The following ARFGEF3 variants were observed in gnomAD, a reference collection of about 807,000 sequenced individuals.
ARFGEF3 encodes ARFGEF family member 3.
Under a neutral mutation model 221.7 loss-of-function variants are expected in ARFGEF3, and 96 were observed. The ratio of observed to expected loss-of-function variants is 0.43; its 90% confidence interval spans 0.37 to 0.51. The LOEUF (loss-of-function observed/expected upper bound fraction) is 0.51, where lower values mean the gene tolerates loss of function less well. Among genes scored for constraint, ARFGEF3 ranks in the 20% least tolerant of loss-of-function variants. The pLI is 0.00. For synonymous variants in ARFGEF3, 1,145 were observed against 1,126.8 expected (o/e 1.02, Z -0.32); for missense variants, 2,410 against 2,789.9 (o/e 0.86, Z 3.07).
intron 2 of ARFGEF3, among the ~76,000 whole-genome samples, chr6:138,171,746 C>T (rs559466252): frequency 7.1e-4 from 108 of 152,036 alleles, no homozygotes; most frequent in African/African-American, 2.5e-3. Context: ...ATTTTATTCA[C>T]GACTTTGTTG....
chr6:138,239,652 GA>G (rs1210032134), intron 6 of ARFGEF3, among the ~76,000 whole-genome samples: 1,055 of 78,810 alleles, frequency 0.013, 6 homozygotes, highest in Middle Eastern at 0.062. Context: ...TCTGTCTCAG[GA>G]AAAAAAAAAA....
intron 27 of ARFGEF3, among the ~76,000 whole-genome samples, chr6:138,318,004 A>G (rs909759949): frequency 6.6e-6 from 1 of 152,200 alleles, no homozygotes; most frequent in African/African-American, 2.4e-5. Context: ...CTCAAGATCA[A>G]AGAAACTTTT....
intron 8 of ARFGEF3, among the ~76,000 whole-genome samples, chr6:138,251,736 C>T (rs1199301930): frequency 6.6e-6 from 1 of 152,054 alleles, no homozygotes; most frequent in African/African-American, 2.4e-5. Flanking sequence ...CACCATGCCA[C>T]AGTCTCCTAC....
rs1165443101 is a variant in ARFGEF3, at chr6:138,344,526, T to C, written c.*8040T>C. 1 of 152,280 alleles carries C rather than the reference T, an allele frequency of 6.6e-6. No homozygotes were observed. Among genetic ancestry groups the C allele is most frequent in the African/African-American group, 2.4e-5 (1 of 41,568 alleles). 9.4% of individuals were successfully genotyped at this position (152,280 alleles called of 1,614,324 possible). A position where few individuals can be genotyped will look rare whatever the true frequency, so the allele number is the denominator to read the frequency against. ...TATTTTGTGTACATTTTATCTGAGG[T>C]GGAAATGAAAATTCTAAAGAGAAAA... On this transcript the variant is annotated 3_prime_UTR_variant, in exon 34 of 34. Transcript: ENST00000251691.
Position 138,291,881 on chromosome 6 carries a change from A to G in ARFGEF3, c.3196A>G (p.Ser1066Gly). The G allele has an allele frequency of 6.7e-7, 1 of 1,492,914 alleles. No homozygotes were observed. The highest frequency in any genetic ancestry group is 1.3e-5 in the South Asian group (1 of 77,784). The allele number at this position is 1,492,914 out of a possible 1,614,324, so 92.5% of individuals were successfully genotyped here. Residue 1066 changes from serine (S) to glycine (G), a missense_variant, in exon 19 of 34, where the codon AGC becomes GGC. Ser to Gly is a moderately conservative substitution (Grantham distance 56). Transcript: ENST00000251691. The surrounding 1 kb of genome is among the most constrained non-coding windows in gnomAD (Gnocchi z 4.5). ...GTGTGAGGGCTCGCCCCCCGAGCACAGCCCGGAGCAGGGGCGCTCCCTGAG... is the reference window on the plus strand; with the variant it reads ...GTGTGAGGGCTCGCCCCCCGAGCACGGCCCGGAGCAGGGGCGCTCCCTGAG... The part of the protein sequence containing the change: ...PECEGSPPEH[S>G]PEQGRSLSTA...
At chr6:138,323,290 A>C (rs1780066764) in intron 29 of ARFGEF3, among the ~76,000 whole-genome samples, 1 of 152,156 alleles carries the variant, frequency 6.6e-6, no homozygotes, top group Non-Finnish European at 1.5e-5. Flanking sequence ...CATATGGCCT[A>C]AATTTTGTGG....
chr6:138,340,487 C>G lies in ARFGEF3; in HGVS notation c.*4001C>G, dbSNP rs1337591066. 1 of 152,158 alleles carries G rather than the reference C, an allele frequency of 6.6e-6. No individual in the cohort carries two copies. Among genetic ancestry groups the G allele is most frequent in the Non-Finnish European group, 1.5e-5 (1 of 68,038 alleles). The allele number at this position is 152,158 out of a possible 1,614,324, so 9.4% of individuals were successfully genotyped here. A position where few individuals can be genotyped will look rare whatever the true frequency, so the allele number is the denominator to read the frequency against. On this transcript the variant is annotated 3_prime_UTR_variant, in exon 34 of 34. Transcript: ENST00000251691. Reference sequence around the variant, plus strand: ...GAAAGTTTTCTCAGAAAGGAAAATCCATTAGTATCAGTCCCATCAAGCCAA... The same window carrying G: ...GAAAGTTTTCTCAGAAAGGAAAATCGATTAGTATCAGTCCCATCAAGCCAA...
Position 138,321,185 on chromosome 6 carries a change from C to T in ARFGEF3, c.4726C>T (p.Pro1576Ser). The T allele has an allele frequency of 6.4e-7, 1 of 1,561,310 alleles. No homozygotes were observed. The highest frequency in any genetic ancestry group is 8.7e-7 in the Non-Finnish European group (1 of 1,151,304). The stretch of plus-strand genomic sequence containing the variant: ...GTTGCTGGTCGCCTGTGTGGCCAAG[C>T]CCACTGAAACCATCTCCAGAGTGGG... ...FELLVACVAK[P>S]TETISRVGCS... The change falls in exon 29 of 34, where the codon CCC becomes TCC. Residue 1576 changes from proline to serine, a missense_variant. Around this residue, in one of 5 missense-constraint regions of ARFGEF3, gnomAD observed 723 missense variants for 991.9 expected, o/e 0.73. Transcript: ENST00000251691.
In ARFGEF3 at chr6:138,308,858, C is replaced by G. The variant is rs1255238306; in HGVS notation, c.4093C>G (p.Leu1365Val). The change falls in exon 24 of 34, where the codon CTG becomes GTG. Residue 1365 changes from leucine to valine, a missense_variant. Coordinates refer to ENST00000251691, the MANE Select transcript of ARFGEF3 (RefSeq NM_020340.5). ...GTGCCTTATGAAGTTTGTCAAAGGACTGGGTAAGCAGAACCCTTCTCTCAT... is the reference window on the plus strand; with the variant it reads ...GTGCCTTATGAAGTTTGTCAAAGGAGTGGGTAAGCAGAACCCTTCTCTCAT... ...IMCLMKFVKG[L>V]GEVDCKEIGD... 1 of 1,614,006 alleles carries G rather than the reference C, an allele frequency of 6.2e-7. No homozygotes were observed. Among genetic ancestry groups the G allele is most frequent in the Non-Finnish European group, 8.5e-7 (1 of 1,179,896 alleles).
In ARFGEF3 at chr6:138,341,662, T is replaced by C. The variant is rs1780431171; in HGVS notation, c.*5176T>C. The C allele has an allele frequency of 6.6e-6, 1 of 152,196 alleles. No individual in the cohort carries two copies. Among genetic ancestry groups the C allele is most frequent in the Admixed American group, 6.5e-5 (1 of 15,274 alleles). The allele number at this position is 152,196 out of a possible 1,614,324, so 9.4% of individuals were successfully genotyped here. ...AAGTTCTCATTTAGTAGTGGAGCAATCTAGAAAACATACCTTTTTTGTTTG... is the reference window on the plus strand; with the variant it reads ...AAGTTCTCATTTAGTAGTGGAGCAACCTAGAAAACATACCTTTTTTGTTTG... On this transcript the variant is annotated 3_prime_UTR_variant, in exon 34 of 34. Transcript: ENST00000251691.
At chr6:138,311,336 A>AACAGGTCTCC in intron 24 of ARFGEF3, 71 bp from the exon 25 acceptor site, 1 of 904,602 alleles carries the variant, frequency 1.1e-6, no homozygotes, top group Non-Finnish European at 1.8e-6. Context: ...TATGTGAGTA[A>AACAGGTCTCC]ACAGGTCTCC....
intron 12 of ARFGEF3, among the ~76,000 whole-genome samples, chr6:138,271,407 A>C (rs1779000416): frequency 6.6e-6 from 1 of 152,182 alleles, no homozygotes; most frequent in African/African-American, 2.4e-5. Flanking sequence ...GAATGTACTT[A>C]TTTACATGTA....
intron 21 of ARFGEF3, among the ~76,000 whole-genome samples, chr6:138,297,541 A>G (rs1779544158): frequency 6.6e-6 from 1 of 152,232 alleles, no homozygotes; most frequent in African/African-American, 2.4e-5. Context: ...CCTGCTTTGC[A>G]GTGATAACTA....
chr6:138,174,820 A>G (rs566833295), intron 2 of ARFGEF3, among the ~76,000 whole-genome samples: 2 of 152,188 alleles, frequency 1.3e-5, no homozygotes, highest in East Asian at 1.9e-4. Flanking sequence ...TGTTAAATAT[A>G]GTCCCATTCT....
rs566672486 is a variant in ARFGEF3 at position 138,205,203 on chromosome 6, C to T, written c.138-1839C>T. ...ACATGGCATCCAATCTTGTTGGGTG[C>T]CCTTGGTGAGTAATGTGTAAATATT... On this transcript the variant is annotated intron_variant, in intron 2 of 33. Coordinates refer to ENST00000251691, the MANE Select transcript of ARFGEF3 (RefSeq NM_020340.5). 2.6e-5 allele frequency among the ~76,000 whole-genome samples: 4 copies of T among 152,250 alleles called. No individual in the cohort carries two copies. The East Asian group carries it at 5.8e-4, about 22-fold the overall frequency.
At chr6:138,181,614 T>C (rs1268259693) in intron 2 of ARFGEF3, among the ~76,000 whole-genome samples, 2 of 152,124 alleles carry the variant, frequency 1.3e-5, no homozygotes, top group Non-Finnish European at 2.9e-5. Flanking sequence ...CAGCTAATTT[T>C]TGTGTTTTTA....
chr6:138,293,189 C>T (rs570111402), intron 19 of ARFGEF3, among the ~76,000 whole-genome samples: 3 of 152,334 alleles, frequency 2.0e-5, no homozygotes, highest in South Asian at 2.1e-4. Flanking sequence ...GTTTGCCCTG[C>T]GGTGTCACTA....
chr6:138,321,104 C>G lies in ARFGEF3; in HGVS notation c.4652-7C>G. 6.5e-7 allele frequency: 1 copy of G among 1,528,044 alleles called. No individual in the cohort carries two copies. The highest frequency in any genetic ancestry group is 2.0e-5 in the Admixed American group (1 of 51,134). 94.7% of individuals were successfully genotyped at this position (1,528,044 alleles called of 1,614,324 possible). ...GTGTGAAACTGTGATTTTGCTGTTT[C>G]CCATAGATATCAGGTACGAGAGCAT... On this transcript the variant is annotated splice_polypyrimidine_tract_variant and splice_region_variant and intron_variant, in intron 28 of 33. Coordinates refer to ENST00000251691, the MANE Select transcript of ARFGEF3 (RefSeq NM_020340.5).
intron 20 of ARFGEF3, among the ~76,000 whole-genome samples, chr6:138,294,394 C>T (rs868562818): frequency 3.1e-4 from 47 of 152,222 alleles, no homozygotes; most frequent in South Asian, 4.1e-4. Flanking sequence ...AAGTTTTGTG[C>T]TTGTGGTAGA....
Sources: allele counts gnomAD v4.1 joint callset (sites outside exome capture counted in the v4.1 genomes callset), GRCh38; gene constraint gnomAD v4.1.1; regional missense constraint gnomAD v4.1.1; non-coding constraint Gnocchi (gnomAD v3.1); transcripts MANE v1.5; gene names NCBI Gene and HGNC (gene_info 2026-07-23, HGNC 2026-07-21).